EIF4EBP3: variants seen among roughly 807,000 people sequenced by gnomAD.
EIF4EBP3 encodes the protein eukaryotic translation initiation factor 4E binding protein 3, also known as eukaryotic translation initiation factor 4E-binding protein 3.
Under a neutral mutation model 12.1 loss-of-function variants are expected in EIF4EBP3, and 11 were observed. The ratio of observed to expected loss-of-function variants is 0.91; its 90% confidence interval spans 0.57 to 1.51. The LOEUF is 1.51. EIF4EBP3 is among the 40% of genes most tolerant of loss of function. The pLI is 0.00. For missense variants in EIF4EBP3, 136 were observed against 131.8 expected (o/e 1.03, Z -0.16); for synonymous variants, 43 against 54.2 (o/e 0.79, Z 0.91).
At chr5:140,547,993 C>T (rs1179064721) in intron 1 of EIF4EBP3, among the ~76,000 whole-genome samples, 153 bp downstream of exon 1, 3 of 152,252 alleles carry the variant, frequency 2.0e-5, no homozygotes, top group Non-Finnish European at 2.9e-5. Context: ...AGCGGAAGCT[C>T]AGTTCCCAAA....
intron 1 of EIF4EBP3, 26 bp from the exon 2 acceptor site, chr5:140,548,880 T>A (rs767877868): frequency 6.2e-7 from 1 of 1,602,402 alleles, no homozygotes; most frequent in Non-Finnish European, 8.5e-7. Flanking sequence ...CTCCTGACTC[T>A]TACCTCAGTC....
intron 1 of EIF4EBP3, 43 bp from the exon 2 acceptor site, chr5:140,548,863 A>T: frequency 6.3e-7 from 1 of 1,579,686 alleles, no homozygotes; most frequent in Non-Finnish European, 8.6e-7. Context: ...TCACCTCGGT[A>T]CCCAAGCTCC....
Position 140,549,520 on chromosome 5 carries a change from T to C in EIF4EBP3, c.*258T>C. ...CCCTAAACCCTCTATGCTCAGGGGC[T>C]GGAACTGGGGAATGGAGTAAGTCAC... is the stretch of plus-strand genomic sequence containing the variant. On this transcript the variant is annotated 3_prime_UTR_variant, in exon 3 of 3. Coordinates refer to ENST00000310331, the MANE Select transcript of EIF4EBP3 (RefSeq NM_003732.3). 1.7e-6 allele frequency: 1 copy of C among 571,694 alleles called. No homozygotes were observed. Among genetic ancestry groups the C allele is most frequent in the Non-Finnish European group, 3.1e-6 (1 of 320,428 alleles). 35.4% of individuals were successfully genotyped at this position (571,694 alleles called of 1,614,324 possible).
In EIF4EBP3 at chr5:140,549,365, A is replaced by C; in HGVS notation, c.*103A>C. On this transcript the variant is annotated 3_prime_UTR_variant, in exon 3 of 3. Transcript: ENST00000310331. ...ATCCAAAGGCCAGCTGGCCTCATCTAATCTGGAAGGGAGTGACTTGTTAGT... is the reference window on the plus strand; with the variant it reads ...ATCCAAAGGCCAGCTGGCCTCATCTCATCTGGAAGGGAGTGACTTGTTAGT... The C allele has an allele frequency of 3.8e-6, 6 of 1,590,404 alleles. No individual in the cohort carries two copies. The highest frequency in any genetic ancestry group is 5.2e-6 in the Non-Finnish European group (6 of 1,159,812).
chr5:140,548,856 C>A lies in EIF4EBP3; in HGVS notation c.104-50C>A, dbSNP rs1561853366. ...AGGCCTGAGTCTGGGACCCCAGTCACCTCGGTACCCAAGCTCCTGACTCTT... is the reference window on the plus strand; with the variant it reads ...AGGCCTGAGTCTGGGACCCCAGTCAACTCGGTACCCAAGCTCCTGACTCTT... On this transcript the variant is annotated intron_variant, in intron 1 of 2. Transcript: ENST00000310331. 2.5e-6 allele frequency: 4 copies of A among 1,571,552 alleles called. No individual in the cohort carries two copies. The African/African-American group carries it at 4.1e-5, about 16-fold the overall frequency.
rs370733331 is a variant in EIF4EBP3 at position 140,549,290 on chromosome 5, G to C, written c.*28G>C. 5.6e-6 allele frequency: 9 copies of C among 1,614,006 alleles called. No homozygotes were observed. Among genetic ancestry groups the C allele is most frequent in the African/African-American group, 1.3e-5 (1 of 74,906 alleles). Reference sequence around the variant, plus strand: ...CAGTGCAGATGACCTGGCATGTGGAGTTACAGAGGGATCCCTCATGCCACT... The same window carrying C: ...CAGTGCAGATGACCTGGCATGTGGACTTACAGAGGGATCCCTCATGCCACT... On this transcript the variant is annotated 3_prime_UTR_variant, in exon 3 of 3. Coordinates refer to ENST00000310331, the MANE Select transcript of EIF4EBP3 (RefSeq NM_003732.3).
intron 1 of EIF4EBP3, 76 bp from the exon 2 acceptor site, chr5:140,548,830 A>G: frequency 6.5e-7 from 1 of 1,526,858 alleles, no homozygotes; most frequent in East Asian, 2.3e-5. Flanking sequence ...CAGGCCCCAA[A>G]AGGCCTGAGT....
Position 140,549,417 on chromosome 5 carries a change from G to A in EIF4EBP3, c.*155G>A. The stretch of plus-strand genomic sequence containing the variant: ...CCAGGCCTCCTTTAGTTCTGAGGCA[G>A]CTAGACCAGGGATAGGAGTGGGCAA... On this transcript the variant is annotated 3_prime_UTR_variant, in exon 3 of 3. Transcript: ENST00000310331. The A allele has an allele frequency of 7.6e-7, 1 of 1,313,210 alleles. No individual in the cohort carries two copies. The highest frequency in any genetic ancestry group is 1.1e-6 in the Non-Finnish European group (1 of 930,114). The allele number at this position is 1,313,210 out of a possible 1,614,324, so 81.3% of individuals were successfully genotyped here.
intron 1 of EIF4EBP3, 89 bp downstream of exon 1, chr5:140,547,929 A>G: frequency 9.2e-7 from 1 of 1,087,680 alleles, no homozygotes; most frequent in South Asian, 1.9e-5. Context: ...GGACAGACCT[A>G]AGACTTGTCC....
rs1754474009 is a variant in EIF4EBP3 at position 140,549,365 on chromosome 5, A to G, written c.*103A>G. 1.3e-6 allele frequency: 2 copies of G among 1,590,404 alleles called. No homozygotes were observed. The highest frequency in any genetic ancestry group is 1.1e-5 in the South Asian group (1 of 90,434). On this transcript the variant is annotated 3_prime_UTR_variant, in exon 3 of 3. Transcript: ENST00000310331. ...ATCCAAAGGCCAGCTGGCCTCATCT[A>G]ATCTGGAAGGGAGTGACTTGTTAGT...
chr5:140,548,572 T>G (rs1754440677), intron 1 of EIF4EBP3, among the ~76,000 whole-genome samples: 4 of 151,984 alleles, frequency 2.6e-5, no homozygotes, highest in Admixed American at 1.3e-4. Context: ...GGTTTCAGAG[T>G]GGTAGAGGAG....
chr5:140,549,132 G>A lies in EIF4EBP3; in HGVS notation c.274+56G>A, dbSNP rs963675740. On this transcript the variant is annotated intron_variant, in intron 2 of 2. Coordinates refer to ENST00000310331, the MANE Select transcript of EIF4EBP3 (RefSeq NM_003732.3). ...AGCCTTTGAGTTCAAATGCCACTGT[G>A]ACACAGTGCGGGGGTTCAGTTCCAA... 6.2e-6 allele frequency: 10 copies of A among 1,614,002 alleles called. No homozygotes were observed. In the African/African-American group the frequency reaches 1.2e-4, roughly 19 times the overall value.
In EIF4EBP3 at chr5:140,549,508, A is replaced by G; in HGVS notation, c.*246A>G. On this transcript the variant is annotated 3_prime_UTR_variant, in exon 3 of 3. Transcript: ENST00000310331. ...TACTCCTCCTAACCCTAAACCCTCT[A>G]TGCTCAGGGGCTGGAACTGGGGAAT... 3.4e-6 allele frequency: 2 copies of G among 592,698 alleles called. No individual in the cohort carries two copies. The highest frequency in any genetic ancestry group is 2.0e-5 in the South Asian group (1 of 50,290). 36.7% of individuals were successfully genotyped at this position (592,698 alleles called of 1,614,324 possible). A position where few individuals can be genotyped will look rare whatever the true frequency, so the allele number is the denominator to read the frequency against.
At position 140,549,486 on chromosome 5, in the gene EIF4EBP3, T is replaced by G. The variant is rs932123719; in HGVS notation, c.*224T>G. On this transcript the variant is annotated 3_prime_UTR_variant, in exon 3 of 3. Transcript: ENST00000310331. ...CTACTTCCTCTTCAGTCTGTGGTAC[T>G]CCTCCTAACCCTAAACCCTCTATGC... 1.5e-6 allele frequency: 1 copy of G among 661,274 alleles called. No homozygotes were observed. Among genetic ancestry groups the G allele is most frequent in the African/African-American group, 1.8e-5 (1 of 55,204 alleles). The allele number at this position is 661,274 out of a possible 1,614,324, so 41.0% of individuals were successfully genotyped here. A position where few individuals can be genotyped will look rare whatever the true frequency, so the allele number is the denominator to read the frequency against.
At position 140,547,778 on chromosome 5, in the gene EIF4EBP3, ACCAGCTG is replaced by A. The variant is rs1329099133; in HGVS notation, c.44_50del (p.Gln15ProfsTer65). On this transcript the variant is annotated frameshift_variant, in exon 1 of 3. Transcript: ENST00000310331. LOFTEE classifies it high-confidence loss of function. ...AGCTGCCCGATTCCCGGGGGCCGGGACCAGCTGCCCGACTGCTACAGCACCACGCCGG... is the reference window on the plus strand; with the variant it reads ...AGCTGCCCGATTCCCGGGGGCCGGGACCCGACTGCTACAGCACCACGCCGG... 2 of 1,541,434 alleles carry A rather than the reference ACCAGCTG, an allele frequency of 1.3e-6. No individual in the cohort carries two copies. Among genetic ancestry groups the A allele is most frequent in the Admixed American group, 4.0e-5 (2 of 50,150 alleles).
In EIF4EBP3 at chr5:140,547,807, C is replaced by A; in HGVS notation, c.70C>A (p.Pro24Thr). 1 of 1,525,654 alleles carries A rather than the reference C, an allele frequency of 6.6e-7. No homozygotes were observed. The highest frequency in any genetic ancestry group is 8.8e-7 in the Non-Finnish European group (1 of 1,134,108). 94.5% of individuals were successfully genotyped at this position (1,525,654 alleles called of 1,614,324 possible). ...DQLPDCYSTT[P>T]GGTLYATTPG... The stretch of plus-strand genomic sequence containing the variant: ...GCTGCCCGACTGCTACAGCACCACG[C>A]CGGGGGGCACGCTATACGCCACTAC... The change falls in exon 1 of 3, where the codon CCG becomes ACG. Residue 24 changes from proline (P) to threonine (T), a missense_variant. Physicochemically the swap from Pro to Thr is conservative, Grantham distance 38. Coordinates refer to ENST00000310331, the MANE Select transcript of EIF4EBP3 (RefSeq NM_003732.3).
At chr5:140,548,030 T>C (rs2127111901) in intron 1 of EIF4EBP3, among the ~76,000 whole-genome samples, 190 bp downstream of exon 1, 1 of 152,322 alleles carries the variant, frequency 6.6e-6, no homozygotes, top group African/African-American at 2.4e-5. Context: ...AACAAGGCCA[T>C]GAGCCTAGCT....
Position 140,549,454 on chromosome 5 carries a change from C to T in EIF4EBP3, c.*192C>T. ...ATAGGAGTGGGCAACTTGCCAAGCC[C>T]TTAACTCTACTTCCTCTTCAGTCTG... On this transcript the variant is annotated 3_prime_UTR_variant, in exon 3 of 3. Coordinates refer to ENST00000310331, the MANE Select transcript of EIF4EBP3 (RefSeq NM_003732.3). 1.3e-6 allele frequency: 1 copy of T among 793,182 alleles called. No homozygotes were observed. Among genetic ancestry groups the T allele is most frequent in the Non-Finnish European group, 2.0e-6 (1 of 489,712 alleles). 49.1% of individuals were successfully genotyped at this position (793,182 alleles called of 1,614,324 possible). A position where few individuals can be genotyped will look rare whatever the true frequency, so the allele number is the denominator to read the frequency against.
At chr5:140,549,116 G>A (rs776993703) in intron 2 of EIF4EBP3, 40 bp downstream of exon 2, 2 of 1,613,916 alleles carry the variant, frequency 1.2e-6, no homozygotes, top group Non-Finnish European at 1.7e-6. Flanking sequence ...CAGCCTTTGA[G>A]TTCAAATGCC....
Sources: gnomAD v4.1 joint callset for allele counts (sites outside exome capture counted in the v4.1 genomes callset) on GRCh38, gnomAD v4.1.1 for gene constraint, MANE v1.5 for transcripts, NCBI Gene and HGNC (gene_info 2026-07-23, HGNC 2026-07-21) for gene names.